KCNQ3: variants seen among roughly 807,000 people sequenced by gnomAD.
KCNQ3 encodes the protein potassium voltage-gated channel subfamily Q member 3.
Under a neutral mutation model 92.5 loss-of-function variants are expected in KCNQ3, and 30 were observed. That is an observed-to-expected ratio of 0.32 (90% CI 0.24 to 0.44). The LOEUF (loss-of-function observed/expected upper bound fraction) is 0.44, where lower values mean the gene tolerates loss of function less well. Ranked by LOEUF, KCNQ3 falls within the 20% of genes least tolerant of loss-of-function variation. The pLI, the probability that KCNQ3 is intolerant of heterozygous loss-of-function variation, is 1.00. For missense variants in KCNQ3, 913 were observed against 1,140.3 expected (o/e 0.80, Z 2.87); for synonymous variants, 450 against 468.8 (o/e 0.96, Z 0.52).
chr8:132,397,073 A>G (rs1820213290), intron 1 of KCNQ3, among the ~76,000 whole-genome samples: 1 of 152,018 alleles, frequency 6.6e-6, no homozygotes, highest in African/African-American at 2.4e-5. Flanking sequence ...TTATTACTGC[A>G]TTTTTCATTA....
In KCNQ3 at chr8:132,154,951, C is replaced by T. The variant is rs558682061; in HGVS notation, c.1262+8517G>A. Among the ~76,000 whole-genome samples, 12 of 152,216 alleles carry T rather than the reference C, an allele frequency of 7.9e-5. No individual in the cohort carries two copies. In the East Asian group the frequency reaches 9.7e-4, roughly 12 times the overall value. ...GAAGGATGAAAGAATGAAAGATGGA[C>T]GGAAGAAAATTAGGACCTTAATTCT... On this transcript the variant is annotated intron_variant, in intron 9 of 14. Coordinates refer to ENST00000388996, the MANE Select transcript of KCNQ3 (RefSeq NM_004519.4).
rs764225680 is a variant in KCNQ3 at position 132,480,272 on chromosome 8, G to A, written c.261C>T (p.Leu87=). 1.9e-6 allele frequency: 3 copies of A among 1,611,606 alleles called. No individual in the cohort carries two copies. Among genetic ancestry groups the A allele is most frequent in the Admixed American group, 3.3e-5 (2 of 59,850 alleles). Residue 87 remains leucine (L), a synonymous_variant, in exon 1 of 15, where the codon CTC becomes CTT. Transcript: ENST00000388996. ...GQRRTPQGIG[L]LAKTPLSRPV... ...GGCGGCTCAGCGGGGTCTTGGCCAG[G>A]AGCCCGATGCCCTGCGGGGTCCTCC...
At chr8:132,425,507 C>T (rs1431270917) in intron 1 of KCNQ3, among the ~76,000 whole-genome samples, 1 of 152,068 alleles carries the variant, frequency 6.6e-6, no homozygotes, top group Non-Finnish European at 1.5e-5. Flanking sequence ...ACACACAGTA[C>T]GAACTGATAT....
At chr8:132,399,781 C>T (rs1428394140) in intron 1 of KCNQ3, among the ~76,000 whole-genome samples, 1 of 152,166 alleles carries the variant, frequency 6.6e-6, no homozygotes, top group Admixed American at 6.5e-5. Flanking sequence ...ACATCTTTAC[C>T]ACCTGTTTGG....
At chr8:132,212,691 G>A (rs924271046) in intron 1 of KCNQ3, among the ~76,000 whole-genome samples, 9 of 152,024 alleles carry the variant, frequency 5.9e-5, no homozygotes, top group African/African-American at 2.2e-4. Flanking sequence ...CAGGCACCCC[G>A]CCATGCTTCA....
At chr8:132,187,338 T>C (rs1427541553) in intron 1 of KCNQ3, 2 of 445,732 alleles carry the variant, frequency 4.5e-6, no homozygotes, top group Non-Finnish European at 9.0e-6. Context: ...AGTTGTCTCA[T>C]GGTGTGACCA....
At chr8:132,361,785 A>G (rs374095481) in intron 1 of KCNQ3, among the ~76,000 whole-genome samples, 55 of 152,278 alleles carry the variant, frequency 3.6e-4, no homozygotes, top group African/African-American at 1.3e-3. Context: ...TTGGAAATTA[A>G]CCCAGATAAG....
chr8:132,205,491 C>T (rs923103245), intron 1 of KCNQ3, among the ~76,000 whole-genome samples: 5 of 152,216 alleles, frequency 3.3e-5, no homozygotes, highest in Non-Finnish European at 7.3e-5. Context: ...CTACTATAGG[C>T]ATTTATACAG....
intron 1 of KCNQ3, among the ~76,000 whole-genome samples, chr8:132,352,656 AG>A (rs755479801): frequency 2.0e-5 from 3 of 152,212 alleles, no homozygotes; most frequent in Non-Finnish European, 4.4e-5. Context: ...GTTATGCCAA[AG>A]GGCTCATCCT....
chr8:132,324,198 T>C (rs1817975262), intron 1 of KCNQ3, among the ~76,000 whole-genome samples: 1 of 152,240 alleles, frequency 6.6e-6, no homozygotes, highest in South Asian at 2.1e-4. Flanking sequence ...CCTGATGTCC[T>C]GTCCCGTCAG....
intron 7 of KCNQ3, among the ~76,000 whole-genome samples, chr8:132,170,848 CA>C (rs796652777): frequency 0.021 from 1,317 of 63,408 alleles, 15 homozygotes; most frequent in African/African-American, 0.055. Flanking sequence ...TTCATCTCTA[CA>C]AAAAAAAAAA....
At chr8:132,412,603 G>C (rs548904454) in intron 1 of KCNQ3, among the ~76,000 whole-genome samples, 3 of 152,188 alleles carry the variant, frequency 2.0e-5, no homozygotes, top group Non-Finnish European at 4.4e-5. Flanking sequence ...TCCCACATAT[G>C]AGCCCTCAGC....
rs781058299 is a variant in KCNQ3 at position 132,303,565 on chromosome 8, GAT to G, written c.387-117386_387-117385del. Among the ~76,000 whole-genome samples the G allele has an allele frequency of 2.3e-3, 99 of 42,564 alleles. 27 individuals are homozygous for G. Among genetic ancestry groups the G allele is most frequent in the Non-Finnish European group, 2.7e-3 (63 of 23,380 alleles). 27.9% of individuals were successfully genotyped at this position (42,564 alleles called of 152,430 possible). A position where few individuals can be genotyped will look rare whatever the true frequency, so the allele number is the denominator to read the frequency against. Reference sequence around the variant, plus strand: ...ACTTGTGATCAGATAAAGAAAATGTGATATATATATATATGGTGTGTGTGTAT... The same window carrying G: ...ACTTGTGATCAGATAAAGAAAATGTGATATATATATATGGTGTGTGTGTAT... On this transcript the variant is annotated intron_variant, in intron 1 of 14. Transcript: ENST00000388996.
At chr8:132,466,570 G>T (rs549822961) in intron 1 of KCNQ3, among the ~76,000 whole-genome samples, 1 of 152,222 alleles carries the variant, frequency 6.6e-6, no homozygotes, top group Admixed American at 6.5e-5. Context: ...AGCCTCAGTT[G>T]CCCTCATGGT....
chr8:132,140,427 C>T, intron 10 of KCNQ3: 1 of 474,180 alleles, frequency 2.1e-6, no homozygotes, highest in Non-Finnish European at 3.8e-6. Flanking sequence ...AGGGAAAAGG[C>T]TAGCAGGGAG....
chr8:132,138,051 T>C (rs1481218573), intron 11 of KCNQ3, 35 bp from the exon 12 acceptor site: 2 of 1,601,196 alleles, frequency 1.2e-6, no homozygotes, highest in Admixed American at 1.7e-5. Context: ...GTGCATCCCA[T>C]GTGGAGAGTG....
intron 1 of KCNQ3, among the ~76,000 whole-genome samples, chr8:132,420,479 G>C (rs894315689): frequency 6.6e-6 from 1 of 152,116 alleles, no homozygotes; most frequent in Non-Finnish European, 1.5e-5. Flanking sequence ...CTTTTCCCTT[G>C]AGCCAGAAAC....
chr8:132,178,611 G>A (rs542151113), intron 4 of KCNQ3, among the ~76,000 whole-genome samples: 87 of 152,190 alleles, frequency 5.7e-4, no homozygotes, highest in Non-Finnish European at 1.1e-3. Context: ...GAAGGTGGCA[G>A]AGCTGAATTT....
intron 1 of KCNQ3, among the ~76,000 whole-genome samples, chr8:132,453,242 G>C (rs546141516): frequency 6.6e-6 from 1 of 152,166 alleles, no homozygotes; most frequent in East Asian, 1.9e-4. Flanking sequence ...TGTTGGCCTC[G>C]GTGAAGACGG....
Sources: gnomAD v4.1 joint callset for allele counts (sites outside exome capture counted in the v4.1 genomes callset) on GRCh38, gnomAD v4.1.1 for gene constraint, MANE v1.5 for transcripts, NCBI Gene and HGNC (gene_info 2026-07-23, HGNC 2026-07-21) for gene names.